Variants in CRYBG3 observed in about 807,000 individuals in gnomAD.
CRYBG3 encodes crystallin beta-gamma domain containing 3.
CRYBG3 carries 127 observed loss-of-function variants against 244.2 expected under a neutral mutation model. The ratio of observed to expected loss-of-function variants is 0.52; its 90% CI spans 0.45 to 0.60. The LOEUF is 0.60. CRYBG3 is among the 20% of genes least tolerant of loss of function. The pLI, the probability that CRYBG3 is intolerant of heterozygous loss-of-function variation, is 0.00. For missense variants in CRYBG3, 3,325 were observed against 3,442.5 expected (o/e 0.97, Z 0.85); for synonymous variants, 1,132 against 1,195.8 (o/e 0.95, Z 1.10).
At chr3:97,895,836 C>CT in intron 11 of CRYBG3, 123 bp from the exon 12 acceptor site, 1 of 789,748 alleles carries the variant, frequency 1.3e-6, no homozygotes, top group Non-Finnish European at 2.0e-6. Flanking sequence ...TGAAACAAAA[C>CT]TAATGTGTTG....
chr3:97,891,817 G>T (rs571938186), intron 10 of CRYBG3, among the ~76,000 whole-genome samples: 1 of 152,268 alleles, frequency 6.6e-6, no homozygotes, highest in East Asian at 1.9e-4. Context: ...GAGCATTGCC[G>T]TGGTAGAGAA....
intron 10 of CRYBG3, among the ~76,000 whole-genome samples, chr3:97,892,454 T>G (rs1358602867): frequency 6.6e-6 from 1 of 152,200 alleles, no homozygotes; most frequent in Non-Finnish European, 1.5e-5. Context: ...ACTGCTGATT[T>G]CCTTGGGATA....
chr3:97,941,201 C>G lies in CRYBG3; in HGVS notation c.8559C>G (p.Val2853=). The change falls in exon 20 of 22, where the codon GTC becomes GTG. Residue 2853 remains valine, a synonymous_variant. Coordinates refer to ENST00000389622, the MANE Select transcript of CRYBG3 (RefSeq NM_153605.4). ...KNRAQGEYLT[V]TGSLADTRAT... ...GTGCCCAGGGTGAATATCTGACAGT[C>G]ACTGGAAGTCTAGCAGACACCAGGG... is the stretch of plus-strand genomic sequence containing the variant. 6.2e-7 allele frequency: 1 copy of G among 1,611,732 alleles called. No homozygotes were observed. Among genetic ancestry groups the G allele is most frequent in the Non-Finnish European group, 8.5e-7 (1 of 1,178,462 alleles).
chr3:97,886,637 AG>A lies in CRYBG3; in HGVS notation c.7160del (p.Ser2387ThrfsTer5). 2 of 1,602,738 alleles carry A rather than the reference AG, an allele frequency of 1.2e-6. No individual in the cohort carries two copies. Among genetic ancestry groups the A allele is most frequent in the Non-Finnish European group, 1.7e-6 (2 of 1,176,528 alleles). On this transcript the variant is annotated frameshift_variant, in exon 8 of 22. Coordinates refer to ENST00000389622, the MANE Select transcript of CRYBG3 (RefSeq NM_153605.4). LOFTEE classifies it high-confidence loss of function. ...GSLKRVLKDC[S>X]IPEIELFPQS... ...AATTATTTTTTTTTTTCAGGACTGC[AG>A]CATTCCAGAAATAGAGCTTTTCCCA...
intron 2 of CRYBG3, among the ~76,000 whole-genome samples, chr3:97,860,864 A>G (rs2039135723): frequency 6.6e-6 from 1 of 151,818 alleles, no homozygotes; most frequent in South Asian, 2.1e-4. Flanking sequence ...TTTCCTGCGC[A>G]CATCGTATAT....
At chr3:97,902,525 C>A (rs751136377) in intron 15 of CRYBG3, among the ~76,000 whole-genome samples, 1 of 150,806 alleles carries the variant, frequency 6.6e-6, no homozygotes, top group Non-Finnish European at 1.5e-5. Flanking sequence ...ATGTACAGAA[C>A]GTGCAGGTTT....
intron 17 of CRYBG3, among the ~76,000 whole-genome samples, chr3:97,928,077 C>A (rs552930567): frequency 6.6e-6 from 1 of 152,092 alleles, no homozygotes; most frequent in South Asian, 2.1e-4. Context: ...ATAAATCATT[C>A]TATCATAAAG....
chr3:97,933,155 T>A (rs975177163), intron 17 of CRYBG3: 2 of 452,038 alleles, frequency 4.4e-6, no homozygotes, highest in Non-Finnish European at 8.9e-6. Context: ...TCTGACATGA[T>A]GGGTTGAAGA....
chr3:97,872,562 A>G lies in CRYBG3; in HGVS notation c.1368A>G (p.Pro456=), dbSNP rs1465694756. Residue 456 remains proline, a synonymous_variant, in exon 4 of 22, where the codon CCA becomes CCG. Transcript: ENST00000389622. ...DTTEQESTNL[P]SPNKSIRHEH... ...CTGAGCAGGAAAGTACAAATTTGCC[A>G]AGTCCAAATAAATCAATTAGGCATG... The G allele has an allele frequency of 8.5e-6, 13 of 1,535,854 alleles. No individual in the cohort carries two copies. Among genetic ancestry groups the G allele is most frequent in the African/African-American group, 1.4e-5 (1 of 73,024 alleles).
intron 15 of CRYBG3, among the ~76,000 whole-genome samples, chr3:97,902,093 A>G (rs1262502279): frequency 6.6e-6 from 1 of 152,176 alleles, no homozygotes; most frequent in Non-Finnish European, 1.5e-5. Context: ...GTTCCGTTCA[A>G]TAACTAGAAA....
chr3:97,862,759 G>T (rs2039168918), intron 2 of CRYBG3, among the ~76,000 whole-genome samples: 1 of 92,506 alleles, frequency 1.1e-5, no homozygotes, highest in African/African-American at 4.9e-5. Context: ...TGAAAGGTGA[G>T]ATGTGCAGTG....
At chr3:97,886,493 CAATATTTCCTTT>C (rs2039508380) in intron 7 of CRYBG3, 126 bp from the exon 8 acceptor site, 2 of 604,540 alleles carry the variant, frequency 3.3e-6, no homozygotes, top group African/African-American at 3.8e-5. Context: ...TGAGGAGAAA[CAATATTTCCTTT>C]ATGTTTTCTT....
intron 1 of CRYBG3, among the ~76,000 whole-genome samples, chr3:97,830,398 T>C (rs2038638968): frequency 3.9e-5 from 6 of 152,164 alleles, no homozygotes; most frequent in Admixed American, 3.9e-4. Flanking sequence ...GTTCCCAAGC[T>C]TGCTGTATTG....
At chr3:97,845,771 T>C (rs2038892151) in intron 2 of CRYBG3, among the ~76,000 whole-genome samples, 1 of 152,250 alleles carries the variant, frequency 6.6e-6, no homozygotes, top group Non-Finnish European at 1.5e-5. Context: ...CCATCTTCAC[T>C]GGCTTCTGAT....
chr3:97,905,976 T>G (rs2108244833), intron 15 of CRYBG3, among the ~76,000 whole-genome samples: 1 of 147,460 alleles, frequency 6.8e-6, no homozygotes, highest in East Asian at 2.0e-4. Context: ...TAGCCAGTTT[T>G]CCCAGCACCA....
intron 1 of CRYBG3, among the ~76,000 whole-genome samples, chr3:97,826,449 A>G (rs748691190): frequency 5.3e-5 from 8 of 152,228 alleles, no homozygotes; most frequent in Non-Finnish European, 7.3e-5. Context: ...AAAAAGGGTA[A>G]TAGCAAGTTT....
At position 97,879,718 on chromosome 3, in the gene CRYBG3, A is replaced by G. The variant is rs755689339; in HGVS notation, c.6858A>G (p.Gln2286=). 8.7e-6 allele frequency: 14 copies of G among 1,604,092 alleles called. No individual in the cohort carries two copies. In the Admixed American group the frequency reaches 1.0e-4, roughly 12 times the overall value. The change falls in exon 5 of 22, where the codon CAA becomes CAG. Residue 2286 remains glutamine, a synonymous_variant. Transcript: ENST00000389622. ...TATTATTTCAGAATGTTGACAAACA[A>G]ACTCTGAGATGTAACCCAAGACCTG... ...LSPFIENVDK[Q]TLRCNPRPGK... is the part of the protein sequence containing the mutation.
rs965735766 is a variant in CRYBG3 at position 97,877,893 on chromosome 3, A to T, written c.6699A>T (p.Leu2233Phe). Residue 2233 changes from leucine (L) to phenylalanine (F), a missense_variant, in exon 4 of 22, where the codon TTA becomes TTT. Coordinates refer to ENST00000389622, the MANE Select transcript of CRYBG3 (RefSeq NM_153605.4). ...SDLTSKLHSSLKSAYHQYLQT... is the reference protein window; with the variant it reads ...SDLTSKLHSSFKSAYHQYLQT... ...TTACTTCTAAACTACATTCTTCTTT[A>T]AAGAGTGCTTATCATCAGTATCTGC... 1 of 1,614,132 alleles carries T rather than the reference A, an allele frequency of 6.2e-7. No homozygotes were observed. Among genetic ancestry groups the T allele is most frequent in the Non-Finnish European group, 8.5e-7 (1 of 1,180,012 alleles).
chr3:97,915,505 C>T, intron 16 of CRYBG3, 105 bp from the exon 17 acceptor site: 1 of 1,212,074 alleles, frequency 8.3e-7, no homozygotes, highest in Non-Finnish European at 1.1e-6. Context: ...GTGCTCTGCA[C>T]CACTTTCTAT....
Sources: gnomAD v4.1 joint callset for allele counts (sites outside exome capture counted in the v4.1 genomes callset) on GRCh38, gnomAD v4.1.1 for gene constraint, MANE v1.5 for transcripts, NCBI Gene and HGNC (gene_info 2026-07-23, HGNC 2026-07-21) for gene names.